POGZ: variants seen among roughly 807,000 people sequenced by gnomAD.
POGZ encodes the protein pogo transposable element derived with ZNF domain.
A neutral mutation model predicts 134.6 loss-of-function variants in POGZ; 17 were observed. The observed-to-expected ratio is 0.13, with a 90% confidence interval of 0.09 to 0.19. The LOEUF is 0.19. Ranked by LOEUF, POGZ falls within the 10% of genes least tolerant of loss-of-function variation. The pLI, the probability that POGZ is intolerant of heterozygous loss-of-function variation, is 1.00. For missense variants in POGZ, 1,306 were observed against 1,769.7 expected, an observed-to-expected ratio of 0.74 and a Z score of 4.70; for synonymous variants, 693 against 657.1, an observed-to-expected ratio of 1.05 and a Z score of -0.84.
At chr1:151,420,757 T>G (rs1656753376) in intron 10 of POGZ, among the ~76,000 whole-genome samples, 1 of 152,166 alleles carries the variant, frequency 6.6e-6, no homozygotes, top group African/African-American at 2.4e-5. Flanking sequence ...AAAAGATCTG[T>G]TTTTTAATGG....
At chr1:151,438,393 C>G (rs999141527) in intron 3 of POGZ, among the ~76,000 whole-genome samples, 2 of 152,032 alleles carry the variant, frequency 1.3e-5, no homozygotes, top group Non-Finnish European at 2.9e-5. Context: ...TCTATACCCA[C>G]TGTCTTCTTT....
intron 10 of POGZ, among the ~76,000 whole-genome samples, chr1:151,421,697 T>C (rs1278989827): frequency 6.6e-6 from 1 of 152,218 alleles, no homozygotes; most frequent in African/African-American, 2.4e-5. Context: ...AGTCAAATTC[T>C]AGGCTGAAGC....
At chr1:151,429,337 C>T (rs1026603355) in intron 5 of POGZ, 1 of 233,496 alleles carries the variant, frequency 4.3e-6, no homozygotes, top group Non-Finnish European at 8.4e-6. Flanking sequence ...TAATAGCTGA[C>T]TAAATACCAG....
intron 3 of POGZ, among the ~76,000 whole-genome samples, chr1:151,432,148 G>A (rs551207695): frequency 2.6e-5 from 4 of 152,196 alleles, no homozygotes; most frequent in South Asian, 2.1e-4. Context: ...CAGCCTGGGC[G>A]ACAGAGCAAG....
chr1:151,453,233 T>C (rs1307423060), intron 1 of POGZ, among the ~76,000 whole-genome samples: 1 of 151,904 alleles, frequency 6.6e-6, no homozygotes, highest in Admixed American at 6.6e-5. Flanking sequence ...TTCTCCCTTT[T>C]CGCATGCGTG....
chr1:151,434,962 A>G (rs1223700036), intron 3 of POGZ, among the ~76,000 whole-genome samples: 2 of 146,882 alleles, frequency 1.4e-5, no homozygotes, highest in Non-Finnish European at 3.0e-5. Flanking sequence ...CTGGAATGGC[A>G]TGACCTCAGC....
rs146667499 is a variant in POGZ at position 151,447,805 on chromosome 1, T to C, written c.-1-5600A>G. On this transcript the variant is annotated intron_variant, in intron 1 of 18. Transcript: ENST00000271715. ...GTGCCCAGCTTTTGATGTGTTTTGA[T>C]CCATGCAGTTATCTTTACAGATACT... is the stretch of plus-strand genomic sequence containing the variant. Among the ~76,000 whole-genome samples, 390 of 152,082 alleles carry C rather than the reference T, an allele frequency of 2.6e-3. 1 individual carries two copies. Among genetic ancestry groups the C allele is most frequent in the African/African-American group, 8.9e-3 (368 of 41,458 alleles).
intron 1 of POGZ, among the ~76,000 whole-genome samples, chr1:151,449,285 G>A (rs1661703243): frequency 6.6e-6 from 1 of 152,182 alleles, no homozygotes; most frequent in African/African-American, 2.4e-5. Flanking sequence ...ATCTTCATAA[G>A]TGACAGTGAA....
At chr1:151,440,000 T>A (rs969682215) in intron 3 of POGZ, among the ~76,000 whole-genome samples, 5 of 152,128 alleles carry the variant, frequency 3.3e-5, no homozygotes, top group African/African-American at 7.2e-5. Flanking sequence ...AAATAAGATA[T>A]TCACTATTAA....
At chr1:151,436,118 G>T (rs552268127) in intron 3 of POGZ, among the ~76,000 whole-genome samples, 1 of 151,714 alleles carries the variant, frequency 6.6e-6, no homozygotes, top group African/African-American at 2.4e-5. Context: ...CACCATGCCC[G>T]GCTAGTTTTT....
chr1:151,448,882 A>G (rs1383538228), intron 1 of POGZ, among the ~76,000 whole-genome samples: 1 of 148,188 alleles, frequency 6.7e-6, no homozygotes, highest in Non-Finnish European at 1.5e-5. Flanking sequence ...AAACAAACAA[A>G]CAAACACGCA....
At chr1:151,432,754 TACC>T (rs1658903407) in intron 3 of POGZ, among the ~76,000 whole-genome samples, 1 of 152,292 alleles carries the variant, frequency 6.6e-6, no homozygotes, top group Admixed American at 6.5e-5. Flanking sequence ...TTTCAAAATA[TACC>T]TTCTACATAA....
At chr1:151,448,938 A>G (rs1211374805) in intron 1 of POGZ, among the ~76,000 whole-genome samples, 2 of 152,202 alleles carry the variant, frequency 1.3e-5, no homozygotes, top group African/African-American at 4.8e-5. Flanking sequence ...TAGACAGATC[A>G]TGTCAAACAT....
intron 3 of POGZ, among the ~76,000 whole-genome samples, chr1:151,436,480 G>T (rs774427635): frequency 1.3e-5 from 2 of 151,592 alleles, no homozygotes; most frequent in Non-Finnish European, 2.9e-5. Context: ...TTTTCCTCTT[G>T]TTGCCCAGGC....
intron 1 of POGZ, among the ~76,000 whole-genome samples, chr1:151,458,883 G>A (rs1663144589): frequency 1.4e-5 from 2 of 143,390 alleles, no homozygotes; most frequent in African/African-American, 2.6e-5. Context: ...GACCTCCGCC[G>A]CCGGCCCTTC....
chr1:151,452,969 G>C (rs1662317639), intron 1 of POGZ, among the ~76,000 whole-genome samples: 1 of 151,532 alleles, frequency 6.6e-6, no homozygotes, highest in African/African-American at 2.4e-5. Flanking sequence ...GTCTCGCTCA[G>C]TTGCCCAGGC....
Position 151,452,977 on chromosome 1 carries a change from G to A in POGZ, c.-2+6175C>T, listed in dbSNP as rs549337083. On this transcript the variant is annotated intron_variant, in intron 1 of 18. Transcript: ENST00000271715. ...TGATGGAGTCTCGCTCAGTTGCCCA[G>A]GCTGGAGTGATCTTGGCTCACTGCA... Among the ~76,000 whole-genome samples, 8 of 151,842 alleles carry A rather than the reference G, an allele frequency of 5.3e-5. No homozygotes were observed. The South Asian group carries it at 1.7e-3, about 32-fold the overall frequency.
rs374059590 is a variant in POGZ, at chr1:151,429,756, C to T, written c.460-45G>A. On this transcript the variant is annotated intron_variant, in intron 4 of 18. Coordinates refer to ENST00000271715, the MANE Select transcript of POGZ (RefSeq NM_015100.4). ...GATCTTTAACATGGAGACCAATTAA[C>T]ACTGACAAAGATTGCAGTATGACCT... 2.8e-5 allele frequency: 31 copies of T among 1,126,544 alleles called. No individual in the cohort carries two copies. The African/African-American group carries it at 3.7e-4, about 13-fold the overall frequency. 69.8% of individuals were successfully genotyped at this position (1,126,544 alleles called of 1,614,324 possible). A position where few individuals can be genotyped will look rare whatever the true frequency, so the allele number is the denominator to read the frequency against.
intron 1 of POGZ, among the ~76,000 whole-genome samples, chr1:151,444,712 A>AT (rs1661024257): frequency 6.6e-6 from 1 of 152,220 alleles, no homozygotes; most frequent in Admixed American, 6.5e-5. Context: ...TATCTTAAGT[A>AT]TTTACAATAC....
Sources: allele counts gnomAD v4.1 joint callset (sites outside exome capture counted in the v4.1 genomes callset), GRCh38; gene constraint gnomAD v4.1.1; transcripts MANE v1.5; gene names NCBI Gene and HGNC (gene_info 2026-07-23, HGNC 2026-07-21).